Variants in LARP1B observed in about 807,000 individuals in gnomAD.
LARP1B encodes the protein La ribonucleoprotein 1B, also known as la-related protein 1B.
Under a neutral mutation model 114.2 loss-of-function variants are expected in LARP1B, and 76 were observed. That is an observed-to-expected ratio of 0.67 (90% CI 0.55 to 0.81). The LOEUF (loss-of-function observed/expected upper bound fraction) is 0.81, where lower values mean the gene tolerates loss of function less well. Ranked by LOEUF, LARP1B falls within the 30% of genes least tolerant of loss-of-function variation. LARP1B has a pLI of 0.00. For synonymous variants in LARP1B, 345 were observed against 348.0 expected (o/e 0.99, Z 0.10); for missense variants, 1,014 against 1,075.8 (o/e 0.94, Z 0.80).
chr4:128,062,789 A>G (rs1760774258), intron 1 of LARP1B, among the ~76,000 whole-genome samples: 1 of 149,280 alleles, frequency 6.7e-6, no homozygotes, highest in Admixed American at 6.7e-5. Flanking sequence ...GGGGAGGGAT[A>G]GCATTAGGAG....
At chr4:128,082,860 G>A (rs1438593951) in intron 5 of LARP1B, among the ~76,000 whole-genome samples, 2 of 145,122 alleles carry the variant, frequency 1.4e-5, no homozygotes, top group East Asian at 4.0e-4. Context: ...GGTGTTTCTC[G>A]CAGAGGGGGA....
chr4:128,194,003 A>G (rs1753152604), intron 15 of LARP1B, among the ~76,000 whole-genome samples: 2 of 152,044 alleles, frequency 1.3e-5, no homozygotes, highest in Admixed American at 6.5e-5. Flanking sequence ...TAGCTGTTCT[A>G]GTGTGCTAAG....
intron 1 of LARP1B, chr4:128,069,299 ACAGTGGC>A: frequency 1.2e-6 from 1 of 857,430 alleles, no homozygotes; most frequent in South Asian, 1.3e-5. Flanking sequence ...TTAGAGCCCC[ACAGTGGC>A]ATCCAGCTTG....
chr4:128,181,219 T>C (rs1238255649), intron 15 of LARP1B, among the ~76,000 whole-genome samples: 9 of 151,120 alleles, frequency 6.0e-5, no homozygotes, highest in African/African-American at 1.9e-4. Context: ...AGTCTCACTC[T>C]GTCTCCCATT....
intron 15 of LARP1B, among the ~76,000 whole-genome samples, chr4:128,193,835 C>T (rs905588972): frequency 6.6e-6 from 1 of 152,130 alleles, no homozygotes; most frequent in Non-Finnish European, 1.5e-5. Context: ...TCAAGTTAGT[C>T]GTGAATTCCT....
chr4:128,074,615 G>A, intron 2 of LARP1B, 97 bp downstream of exon 2: 1 of 239,408 alleles, frequency 4.2e-6, no homozygotes, highest in Non-Finnish European at 7.4e-6. Flanking sequence ...TCTTCTAATT[G>A]TATTATTGGT....
intron 13 of LARP1B, among the ~76,000 whole-genome samples, chr4:128,177,406 C>G (rs1425111153): frequency 6.6e-6 from 1 of 152,092 alleles, no homozygotes; most frequent in Non-Finnish European, 1.5e-5. Flanking sequence ...AAAAACCACA[C>G]AGAAATAGTG....
intron 1 of LARP1B, among the ~76,000 whole-genome samples, chr4:128,073,230 A>T (rs577873660): frequency 6.6e-6 from 1 of 151,944 alleles, no homozygotes; most frequent in African/African-American, 2.4e-5. Flanking sequence ...CCTGGCTAAA[A>T]TGGTGAAACC....
At chr4:128,069,706 A>G (rs1764457193) in intron 1 of LARP1B, 1 of 357,768 alleles carries the variant, frequency 2.8e-6, no homozygotes, top group African/African-American at 2.1e-5. Flanking sequence ...ACTTGTATTT[A>G]TGGTTGTTTT....
chr4:128,091,661 A>ATCTTG, intron 7 of LARP1B, 149 bp downstream of exon 7: 3 of 544,790 alleles, frequency 5.5e-6, no homozygotes, highest in Non-Finnish European at 9.1e-6. Flanking sequence ...TAGTGGTACG[A>ATCTTG]TCTTGGCTCA....
At chr4:128,216,907 TAAAG>T (rs1449170851), downstream of LARP1B, among the ~76,000 whole-genome samples, 1 of 151,092 alleles carries the variant, frequency 6.6e-6, no homozygotes, top group African/African-American at 2.4e-5. Context: ...GCAAGACTAA[TAAAG>T]AAAAAAAGAG....
intron 12 of LARP1B, among the ~76,000 whole-genome samples, chr4:128,172,937 ATG>A (rs57382183): frequency 0.015 from 2,025 of 136,762 alleles, 18 homozygotes; most frequent in Middle Eastern, 0.04. Context: ...ATCCCATCCA[ATG>A]TGTGTGTGTG....
chr4:128,199,856 C>T (rs1196641224), intron 16 of LARP1B, among the ~76,000 whole-genome samples: 1 of 152,174 alleles, frequency 6.6e-6, no homozygotes, highest in African/African-American at 2.4e-5. Flanking sequence ...GAGGCCGAGG[C>T]ATGCAGATCA....
At chr4:128,193,020 G>A (rs76134609) in intron 15 of LARP1B, among the ~76,000 whole-genome samples, 2,728 of 151,974 alleles carry the variant, frequency 0.018, 65 homozygotes, top group East Asian at 0.1. Flanking sequence ...TTTTTGTTGC[G>A]ACAAGATCTT....
chr4:128,173,049 A>G (rs1744483300), intron 12 of LARP1B, among the ~76,000 whole-genome samples: 1 of 151,590 alleles, frequency 6.6e-6, no homozygotes, highest in Admixed American at 6.6e-5. Flanking sequence ...TATACTGCCT[A>G]TATATATATT....
At chr4:128,209,655 G>A (rs28742246) in intron 19 of LARP1B, among the ~76,000 whole-genome samples, 105 of 150,882 alleles carry the variant, frequency 7.0e-4, no homozygotes, top group African/African-American at 2.5e-3. Flanking sequence ...CCCGGGAGGC[G>A]GAGCTTGCAG....
At chr4:128,118,786 A>G (rs1295010993) in intron 10 of LARP1B, among the ~76,000 whole-genome samples, 4 of 150,114 alleles carry the variant, frequency 2.7e-5, no homozygotes, top group African/African-American at 7.4e-5. Flanking sequence ...TTGATAGTTC[A>G]TATTAATATT....
intron 17 of LARP1B, among the ~76,000 whole-genome samples, chr4:128,203,955 A>G (rs2150921834): frequency 6.6e-6 from 1 of 152,330 alleles, no homozygotes; most frequent in East Asian, 1.9e-4. Flanking sequence ...GTTAGTGGTA[A>G]ATGAGTAAAT....
At chr4:128,187,649 A>G (rs1413753261) in intron 15 of LARP1B, among the ~76,000 whole-genome samples, 1 of 152,208 alleles carries the variant, frequency 6.6e-6, no homozygotes, top group Middle Eastern at 3.2e-3. Context: ...ATTGTTGGGA[A>G]GACATGACTA....
Sources: gnomAD v4.1 joint callset for allele counts (sites outside exome capture counted in the v4.1 genomes callset) on GRCh38, gnomAD v4.1.1 for gene constraint, MANE v1.5 for transcripts, NCBI Gene and HGNC (gene_info 2026-07-23, HGNC 2026-07-21) for gene names.